Variants in PSME4 observed in about 807,000 individuals in gnomAD.
PSME4 encodes proteasome activator complex subunit 4.
In PSME4, 89 loss-of-function variants were observed where a neutral mutation model predicts 253.9. The ratio of observed to expected loss-of-function variants is 0.35; its 90% CI spans 0.30 to 0.42. PSME4 has a LOEUF of 0.42. PSME4 is among the 10% of genes least tolerant of loss of function. The probability of loss-of-function intolerance (pLI) is 1.00; values close to 1 mark genes in which losing one functional copy is unlikely to be tolerated. For missense variants in PSME4, 2,014 were observed against 2,195.2 expected (o/e 0.92, Z 1.65); for synonymous variants, 851 against 759.2 (o/e 1.12, Z -1.99).
At chr2:53,898,633 GCACACACACACACACACACA>G (rs199900623) in intron 29 of PSME4, among the ~76,000 whole-genome samples, 1 of 142,504 alleles carries the variant, frequency 7.0e-6, no homozygotes, top group South Asian at 2.2e-4. Context: ...ATTGGGAGTG[GCACACACACACACACACACA>G]CACACACACA....
intron 27 of PSME4, 72 bp from the exon 28 acceptor site, chr2:53,901,631 T>C: frequency 1.6e-6 from 2 of 1,236,472 alleles, no homozygotes; most frequent in Non-Finnish European, 2.3e-6. Context: ...CCAATGCACC[T>C]ATGTATTGGT....
chr2:53,898,517 C>T (rs1343751207), intron 29 of PSME4, among the ~76,000 whole-genome samples, 163 bp from the exon 30 acceptor site: 1 of 152,018 alleles, frequency 6.6e-6, no homozygotes. Context: ...TGAAAGTAGA[C>T]AGGTGAACAG....
At chr2:53,912,342 G>A (rs368816293) in intron 20 of PSME4, among the ~76,000 whole-genome samples, 1 of 152,146 alleles carries the variant, frequency 6.6e-6, no homozygotes, top group Admixed American at 6.5e-5. Context: ...TATCTGGGTA[G>A]TATACATTAC....
rs763629300 is a variant in PSME4, at chr2:53,866,243, C to T, written c.5398-20G>A. On this transcript the variant is annotated intron_variant, in intron 45 of 46. Coordinates refer to ENST00000404125, the MANE Select transcript of PSME4 (RefSeq NM_014614.3). ...AGTCATCTGTAAAGTAGACAACCCA[C>T]ATACGTTTTAACCTCTCTGGACAAC... 4.3e-6 allele frequency: 7 copies of T among 1,612,648 alleles called. No homozygotes were observed. The highest frequency in any genetic ancestry group is 5.9e-6 in the Non-Finnish European group (7 of 1,179,394).
chr2:53,871,296 G>A (rs575291568), intron 43 of PSME4, among the ~76,000 whole-genome samples: 1 of 152,118 alleles, frequency 6.6e-6, no homozygotes, highest in South Asian at 2.1e-4. Flanking sequence ...CTGTCACCAG[G>A]ATGGAGTGCA....
intron 3 of PSME4, chr2:53,942,028 T>G (rs1401847555): frequency 6.6e-6 from 1 of 152,578 alleles, no homozygotes; most frequent in Non-Finnish European, 1.5e-5. Flanking sequence ...CTTCACTTAT[T>G]AGAGGATTAG....
intron 2 of PSME4, among the ~76,000 whole-genome samples, chr2:53,948,914 G>A (rs906925367): frequency 5.9e-5 from 9 of 152,180 alleles, no homozygotes; most frequent in Non-Finnish European, 1.2e-4. Flanking sequence ...ACCTATAAAA[G>A]GGGAAGTTCA....
chr2:53,952,881 G>A (rs1670062095), intron 1 of PSME4, among the ~76,000 whole-genome samples: 1 of 152,210 alleles, frequency 6.6e-6, no homozygotes, highest in Non-Finnish European at 1.5e-5. Context: ...CAGTCCCTGA[G>A]CTGGGGGTTG....
intron 1 of PSME4, among the ~76,000 whole-genome samples, chr2:53,962,863 T>A (rs1670551104): frequency 6.6e-6 from 1 of 151,796 alleles, no homozygotes; most frequent in African/African-American, 2.4e-5. Context: ...ACAGAAAAAT[T>A]CGCCAGGCAT....
At chr2:53,931,775 C>A in intron 10 of PSME4, 60 bp downstream of exon 10, 1 of 1,521,762 alleles carries the variant, frequency 6.6e-7, no homozygotes, top group East Asian at 2.3e-5. Context: ...AAAAGAGAAT[C>A]GAGCTGAACA....
At chr2:53,889,516 G>A (rs2104425032) in intron 37 of PSME4, among the ~76,000 whole-genome samples, 1 of 152,170 alleles carries the variant, frequency 6.6e-6, no homozygotes, top group African/African-American at 2.4e-5. Context: ...CAGGTTGGCT[G>A]AAACCACAGA....
intron 3 of PSME4, among the ~76,000 whole-genome samples, chr2:53,941,974 G>A (rs979238674): frequency 3.9e-5 from 6 of 152,038 alleles, no homozygotes; most frequent in African/African-American, 7.2e-5. Context: ...TTCCCTTCAC[G>A]CTTCAGAAGA....
chr2:53,923,913 C>CAAAAAAAAAAAAAAAAAAAAAAAAAA (rs199929436), intron 14 of PSME4, among the ~76,000 whole-genome samples: 3 of 96,876 alleles, frequency 3.1e-5, no homozygotes, highest in Non-Finnish European at 4.1e-5. Flanking sequence ...ACAGAGTTAA[C>CAAAAAAAAAAAAAAAAAAAAAAAAAA]AAAAAAAAAA....
intron 1 of PSME4, 82 bp from the exon 2 acceptor site, chr2:53,949,365 C>G: frequency 4.4e-6 from 4 of 904,588 alleles, no homozygotes; most frequent in Non-Finnish European, 6.2e-6. Flanking sequence ...CCATAGAAGC[C>G]AAGATGTAGA....
intron 1 of PSME4, among the ~76,000 whole-genome samples, chr2:53,960,142 G>A (rs545144221): frequency 1.3e-5 from 2 of 152,292 alleles, no homozygotes; most frequent in African/African-American, 4.8e-5. Context: ...GCTCACGCCC[G>A]TAATCTCAGC....
At chr2:53,932,862 G>A (rs3731973) in intron 8 of PSME4, 102 bp from the exon 9 acceptor site, 129,166 of 794,858 alleles carry the variant, frequency 0.16, 11,665 homozygotes, top group African/African-American at 0.32. Flanking sequence ...ACAGTTTATA[G>A]TCAACTTGCT....
chr2:53,921,326 C>CA (rs200786503), intron 17 of PSME4, among the ~76,000 whole-genome samples: 1 of 151,668 alleles, frequency 6.6e-6, no homozygotes, highest in Non-Finnish European at 1.5e-5. Context: ...ACATCCCTTT[C>CA]AAAAGAGTCT....
chr2:53,970,132 G>A (rs1027572488), intron 1 of PSME4, among the ~76,000 whole-genome samples: 7 of 152,144 alleles, frequency 4.6e-5, no homozygotes, highest in Non-Finnish European at 8.8e-5. Context: ...AGGAAGCAAG[G>A]AGACAAGTCA....
intron 1 of PSME4, among the ~76,000 whole-genome samples, chr2:53,962,556 T>C (rs959176567): frequency 1.3e-5 from 2 of 152,346 alleles, no homozygotes; most frequent in African/African-American, 4.8e-5. Flanking sequence ...ATTTCTTTTT[T>C]CTAACTGCCT....
Sources: allele counts gnomAD v4.1 joint callset (sites outside exome capture counted in the v4.1 genomes callset), GRCh38; gene constraint gnomAD v4.1.1; transcripts MANE v1.5; gene names NCBI Gene and HGNC (gene_info 2026-07-23, HGNC 2026-07-21).